The following STPG2 variants were observed in gnomAD, a reference collection of about 807,000 sequenced individuals.
STPG2 encodes the protein sperm-tail PG-rich repeat-containing protein 2.
In STPG2, 56 loss-of-function variants were observed where a neutral mutation model predicts 54.2. That is an observed-to-expected ratio of 1.03 (90% confidence interval 0.83 to 1.29). The LOEUF (loss-of-function observed/expected upper bound fraction) is 1.29. Among genes scored for constraint, STPG2 ranks in the 50% most tolerant of loss-of-function variants. The pLI is 0.00. For synonymous variants in STPG2, 200 were observed against 181.8 expected, an observed-to-expected ratio of 1.10 and a Z score of -0.81; for missense variants, 596 against 544.9, an observed-to-expected ratio of 1.09 and a Z score of -0.93.
Position 98,027,504 on chromosome 4 carries a change from T to C in STPG2, c.613-46186A>G, listed in dbSNP as rs757549594. Reference sequence around the variant, plus strand: ...AATCAGATATGGATGAAATTCTGGATATGATCCATCTAGGGCAAAATTCAT... The same window carrying C: ...AATCAGATATGGATGAAATTCTGGACATGATCCATCTAGGGCAAAATTCAT... On this transcript the variant is annotated intron_variant, in intron 5 of 10. Transcript: ENST00000295268. Among the ~76,000 whole-genome samples the C allele has an allele frequency of 3.1e-4, 47 of 152,182 alleles. 1 individual carries two copies. Among genetic ancestry groups the C allele is most frequent in the Non-Finnish European group, 4.9e-4 (33 of 68,034 alleles).
At chr4:97,626,648 T>A (rs1182268017) in intron 10 of STPG2, among the ~76,000 whole-genome samples, 1 of 152,136 alleles carries the variant, frequency 6.6e-6, no homozygotes, top group Non-Finnish European at 1.5e-5. Context: ...TTTAACCAAA[T>A]ATATTGGATT....
intron 9 of STPG2, among the ~76,000 whole-genome samples, chr4:97,823,880 A>G (rs1173853183): frequency 6.6e-6 from 1 of 152,142 alleles, no homozygotes; most frequent in East Asian, 1.9e-4. Flanking sequence ...ACTAAAAGCA[A>G]GGACACTTGA....
At chr4:97,530,594 C>T (rs909923374) in intron 4 of STPG2, among the ~76,000 whole-genome samples, 1 of 152,044 alleles carries the variant, frequency 6.6e-6, no homozygotes, top group Non-Finnish European at 1.5e-5. Context: ...AAATCAAAGG[C>T]ATGACAAAGT....
intron 5 of STPG2, among the ~76,000 whole-genome samples, chr4:98,076,115 G>A (rs980976513): frequency 1.5e-4 from 23 of 151,922 alleles, no homozygotes; most frequent in African/African-American, 5.3e-4. Flanking sequence ...GTGGTGGCGG[G>A]CGCCTGTAGT....
chr4:97,532,481 G>T (rs1416827226), intron 4 of STPG2, among the ~76,000 whole-genome samples: 1 of 151,886 alleles, frequency 6.6e-6, no homozygotes, highest in East Asian at 1.9e-4. Flanking sequence ...GATATAAAGT[G>T]GCATACACAA....
intron 4 of STPG2, among the ~76,000 whole-genome samples, chr4:97,543,447 A>AT (rs1731765375): frequency 6.6e-6 from 1 of 151,788 alleles, no homozygotes; most frequent in Admixed American, 6.6e-5. Flanking sequence ...TAACATGCCA[A>AT]TTTTTTCCTT....
intron 10 of STPG2, among the ~76,000 whole-genome samples, chr4:97,695,126 T>C (rs1200364889): frequency 6.8e-6 from 1 of 146,872 alleles, no homozygotes; most frequent in Non-Finnish European, 1.5e-5. Context: ...CCCAAAAGCA[T>C]ATAAAAAAGA....
intron 8 of STPG2, among the ~76,000 whole-genome samples, chr4:97,901,442 G>C (rs1731172462): frequency 6.6e-6 from 1 of 151,818 alleles, no homozygotes; most frequent in Non-Finnish European, 1.5e-5. Flanking sequence ...AAGCTCTAAA[G>C]ACTACTGCCC....
At chr4:97,548,287 G>GA (rs1731889887) in intron 4 of STPG2, among the ~76,000 whole-genome samples, 1 of 152,202 alleles carries the variant, frequency 6.6e-6, no homozygotes, top group South Asian at 2.1e-4. Flanking sequence ...AGAAAACTAA[G>GA]AAAAAACAGG....
At chr4:97,794,144 G>A (rs1024883557) in intron 9 of STPG2, among the ~76,000 whole-genome samples, 1 of 151,880 alleles carries the variant, frequency 6.6e-6, no homozygotes, top group Non-Finnish European at 1.5e-5. Flanking sequence ...TATACTTTAA[G>A]GGATGGCTAT....
chr4:98,067,724 T>C lies in STPG2; in HGVS notation c.612+38229A>G, dbSNP rs149957232. On this transcript the variant is annotated intron_variant, in intron 5 of 10. Transcript: ENST00000295268. ...AAAGAGACGAAGGATAGGGCTAATA[T>C]GTTTTTTAAAGGTTTCAACAATAAG... Among the ~76,000 whole-genome samples the C allele has an allele frequency of 9.3e-3, 1,419 of 152,296 alleles. 13 individuals are homozygous for C. The highest frequency in any genetic ancestry group is 0.014 in the South Asian group (68 of 4,818).
At chr4:97,535,173 A>C (rs192828702) in intron 4 of STPG2, among the ~76,000 whole-genome samples, 65 of 152,312 alleles carry the variant, frequency 4.3e-4, no homozygotes, top group African/African-American at 1.4e-3. Flanking sequence ...TTTGTATGGT[A>C]AGTAGATATT....
At chr4:97,795,684 G>C (rs1182591986) in intron 9 of STPG2, among the ~76,000 whole-genome samples, 2 of 152,206 alleles carry the variant, frequency 1.3e-5, no homozygotes, top group Non-Finnish European at 2.9e-5. Flanking sequence ...CTTTAAAGCA[G>C]CATGATTTAT....
At chr4:97,804,441 G>A (rs751645078) in intron 9 of STPG2, among the ~76,000 whole-genome samples, 16 of 151,942 alleles carry the variant, frequency 1.1e-4, no homozygotes, top group Non-Finnish European at 2.2e-4. Flanking sequence ...ACAAAAAGTT[G>A]AAACTTTTTT....
At chr4:97,483,125 G>A (rs992120976) in intron 4 of STPG2, among the ~76,000 whole-genome samples, 1 of 151,388 alleles carries the variant, frequency 6.6e-6, no homozygotes, top group South Asian at 2.1e-4. Flanking sequence ...AAATCAGACA[G>A]GACCTATAAA....
At chr4:97,442,560 A>C (rs1560609921) in intron 4 of STPG2, among the ~76,000 whole-genome samples, 1 of 152,146 alleles carries the variant, frequency 6.6e-6, no homozygotes, top group Non-Finnish European at 1.5e-5. Context: ...AGAGTGTAGA[A>C]ACAGAAAAGA....
intron 9 of STPG2, among the ~76,000 whole-genome samples, chr4:97,786,355 A>G (rs1046057540): frequency 1.3e-5 from 2 of 151,840 alleles, no homozygotes; most frequent in Non-Finnish European, 2.9e-5. Flanking sequence ...TTTAGTTTTT[A>G]TTGTTCAGAT....
chr4:98,052,382 T>C (rs1737350850), intron 5 of STPG2, among the ~76,000 whole-genome samples: 1 of 152,214 alleles, frequency 6.6e-6, no homozygotes, highest in Non-Finnish European at 1.5e-5. Flanking sequence ...CATTAGTTTT[T>C]TTCATTTTAA....
At chr4:97,741,589 T>C (rs1725236687) in intron 9 of STPG2, among the ~76,000 whole-genome samples, 1 of 152,218 alleles carries the variant, frequency 6.6e-6, no homozygotes, top group African/African-American at 2.4e-5. Context: ...TAGACATGTA[T>C]GCAGCCAAGA....
Sources: allele counts gnomAD v4.1 joint callset (sites outside exome capture counted in the v4.1 genomes callset), GRCh38; gene constraint gnomAD v4.1.1; transcripts MANE v1.5; gene names NCBI Gene and HGNC (gene_info 2026-07-23, HGNC 2026-07-21).